The following TRPM2 variants were observed in gnomAD, a reference collection of about 807,000 sequenced individuals.
TRPM2 encodes transient receptor potential cation channel subfamily M member 2.
Under a neutral mutation model 174.0 loss-of-function variants are expected in TRPM2, and 161 were observed. The observed-to-expected ratio is 0.93, with a 90% confidence interval of 0.81 to 1.05. The LOEUF (loss-of-function observed/expected upper bound fraction) is 1.05. Among genes scored for constraint, TRPM2 ranks in the 50% least tolerant of loss-of-function variants. The pLI is 0.00. For missense variants in TRPM2, 2,057 were observed against 2,038.0 expected (o/e 1.01, Z -0.18); for synonymous variants, 954 against 861.3 (o/e 1.11, Z -1.88).
At chr21:44,364,425 A>T in intron 3 of TRPM2, 143 bp downstream of exon 3, 1 of 975,544 alleles carries the variant, frequency 1.0e-6, no homozygotes, top group Non-Finnish European at 1.5e-6. Flanking sequence ...CAGCAAGGGA[A>T]GCGGCGGGGA....
rs974860885 is a variant in TRPM2, at chr21:44,422,353, G to A, written c.3462-1292G>A. 64 of 1,536,142 alleles carry A rather than the reference G, an allele frequency of 4.2e-5. No homozygotes were observed. In the Middle Eastern group the frequency reaches 5.0e-4, roughly 12 times the overall value. ...CTGCATCTCACGGTGGTGGAATCAC[G>A]CGGGTCCGAGAAGGCTCCAGTAACC... On this transcript the variant is annotated intron_variant, in intron 22 of 31. Coordinates refer to ENST00000397928, the MANE Select transcript of TRPM2 (RefSeq NM_003307.4).
chr21:44,433,651 T>A (rs1176036695), intron 27 of TRPM2, among the ~76,000 whole-genome samples: 1 of 152,192 alleles, frequency 6.6e-6, no homozygotes, highest in African/African-American at 2.4e-5. Context: ...TTGCCAGCTC[T>A]GTAGCTGGGT....
chr21:44,437,069 C>A lies in TRPM2; in HGVS notation c.4069C>A (p.Arg1357=), dbSNP rs770604120. 1 of 1,550,356 alleles carries A rather than the reference C, an allele frequency of 6.5e-7. No homozygotes were observed. The change falls in exon 29 of 32, where the codon CGG becomes AGG. Residue 1357 remains arginine (R), a synonymous_variant. Coordinates refer to ENST00000397928, the MANE Select transcript of TRPM2 (RefSeq NM_003307.4). ...TGGCCGCTCTCTCCGCAGGTGGAGGCGGAACGAGGATGGAGCCATCTGCAG... is the reference window on the plus strand; with the variant it reads ...TGGCCGCTCTCTCCGCAGGTGGAGGAGGAACGAGGATGGAGCCATCTGCAG... The part of the protein sequence containing the change: ...TLYPMVTRWR[R]NEDGAICRKS...
rs1341271724 is a variant in TRPM2, at chr21:44,440,510, G to C, written c.4270-279G>C. On this transcript the variant is annotated intron_variant, in intron 30 of 31. Transcript: ENST00000397928. ...TGTTATGAGTGGACTCCTACAACAG[G>C]TGGCCTTTGAAACTGTCTTCCTTCA... is the stretch of plus-strand genomic sequence containing the variant. Among the ~76,000 whole-genome samples the C allele has an allele frequency of 5.9e-5, 9 of 152,112 alleles. No individual in the cohort carries two copies. In the East Asian group the frequency reaches 1.7e-3, roughly 29 times the overall value.
At chr21:44,440,314 A>G (rs1569125799) in intron 30 of TRPM2, among the ~76,000 whole-genome samples, 7 of 4,260 alleles carry the variant, frequency 1.6e-3, no homozygotes, top group South Asian at 6.5e-3. Context: ...CAAAAAAAAA[A>G]AAAAAAAAAA....
chr21:44,423,865 C>A, intron 23 of TRPM2, 133 bp downstream of exon 23: 1 of 775,052 alleles, frequency 1.3e-6, no homozygotes, highest in Non-Finnish European at 2.1e-6. Flanking sequence ...GTTGGGGCAG[C>A]CATTCCCAGC....
chr21:44,413,913 C>T lies in TRPM2; in HGVS notation c.2985C>T (p.His995=). The change falls in exon 20 of 32, where the codon CAC becomes CAT. Residue 995 remains histidine (H), a synonymous_variant. Transcript: ENST00000397928. ...YIDGVNFNPE[H]CSPNGTDPYK... ...CAGGTGTGAACTTCAACCCGGAGCACTGCAGCCCCAATGGCACCGACCCCT... is the reference window on the plus strand; with the variant it reads ...CAGGTGTGAACTTCAACCCGGAGCATTGCAGCCCCAATGGCACCGACCCCT... 1 of 1,613,720 alleles carries T rather than the reference C, an allele frequency of 6.2e-7. No individual in the cohort carries two copies. Among genetic ancestry groups the T allele is most frequent in the Non-Finnish European group, 8.5e-7 (1 of 1,179,744 alleles).
chr21:44,419,281 G>A (rs985451327), intron 22 of TRPM2, among the ~76,000 whole-genome samples: 1 of 152,158 alleles, frequency 6.6e-6, no homozygotes, highest in African/African-American at 2.4e-5. Context: ...GCTGGCAAGG[G>A]ATGGCCAAGA....
At chr21:44,358,379 G>GC (rs139826939) in intron 2 of TRPM2, among the ~76,000 whole-genome samples, 38,506 of 151,984 alleles carry the variant, frequency 0.25, 5,422 homozygotes, top group African/African-American at 0.39. Flanking sequence ...GAGGCAGGGA[G>GC]CCCCCCTTGG....
chr21:44,421,241 C>T (rs1353768358), intron 22 of TRPM2, among the ~76,000 whole-genome samples: 1 of 152,054 alleles, frequency 6.6e-6, no homozygotes, highest in African/African-American at 2.4e-5. Context: ...TCGCTTGAAC[C>T]CAGGAGGCGG....
rs754559472 is a variant in TRPM2, at chr21:44,399,330, GA to G, written c.2098del (p.Arg700GlufsTer28). On this transcript the variant is annotated frameshift_variant, in exon 14 of 32. Transcript: ENST00000397928. LOFTEE classifies it high-confidence loss of function. This position sits in a 1 kb window ranked among gnomAD's most constrained non-coding sequence, Gnocchi z 4.6. ...FTECYRKDEE[R>X]AQKLLTRVSE... ...CCGAGTGCTACCGGAAGGACGAAGA[GA>G]GAGCCCAGAAACTGCTCACCCGCGT... The G allele has an allele frequency of 6.2e-7, 1 of 1,612,812 alleles. No homozygotes were observed. The highest frequency in any genetic ancestry group is 8.5e-7 in the Non-Finnish European group (1 of 1,179,890).
At chr21:44,416,776 T>TCTG in intron 20 of TRPM2, 1 of 199,774 alleles carries the variant, frequency 5.0e-6, no homozygotes, top group African/African-American at 2.5e-5. Context: ...ATGGCTCTGC[T>TCTG]CTCTGTGGCA....
chr21:44,402,156 C>T (rs2049641827), intron 16 of TRPM2, among the ~76,000 whole-genome samples: 1 of 152,190 alleles, frequency 6.6e-6, no homozygotes, highest in Admixed American at 6.5e-5. Flanking sequence ...GGCTGATCAG[C>T]TCAAGGTGGA....
At chr21:44,374,575 G>T (rs552124271) in intron 5 of TRPM2, among the ~76,000 whole-genome samples, 54 of 152,292 alleles carry the variant, frequency 3.5e-4, no homozygotes, top group African/African-American at 1.3e-3. Context: ...TCATCTGGGG[G>T]TGATGGGGGA....
chr21:44,364,143 A>G lies in TRPM2; in HGVS notation c.284A>G (p.His95Arg), dbSNP rs2048291962. 4.3e-6 allele frequency: 7 copies of G among 1,614,128 alleles called. No homozygotes were observed. The South Asian group carries it at 5.5e-5, about 13-fold the overall frequency. Residue 95 changes from histidine (H) to arginine (R), a missense_variant, in exon 3 of 32, where the codon CAT becomes CGT. By Grantham distance (29) the His-to-Arg change is conservative. Transcript: ENST00000397928. ...GKVVCQCGYT[H>R]EQHLEEATKP... ...GTGGTGTGTCAGTGTGGCTACACGC[A>G]TGAGCAGCACTTGGAGGAGGCTACC...
intron 16 of TRPM2, among the ~76,000 whole-genome samples, 160 bp downstream of exon 16, chr21:44,402,057 C>T (rs1435010927): frequency 2.6e-5 from 4 of 152,240 alleles, no homozygotes; most frequent in South Asian, 2.1e-4. Context: ...GTGGCTGGGG[C>T]GCTGCCCTCC....
chr21:44,391,604 C>A lies in TRPM2; in HGVS notation c.1773C>A (p.Pro591=). ...ACGACCGGCTGCGGCTCCTGCTGCCCGTTCCCCACGTCAAGCTCAACGTGC... is the reference window on the plus strand; with the variant it reads ...ACGACCGGCTGCGGCTCCTGCTGCCAGTTCCCCACGTCAAGCTCAACGTGC... ...RHNDRLRLLL[P]VPHVKLNVQG... Residue 591 remains proline (P), a synonymous_variant, in exon 11 of 32, where the codon CCC becomes CCA. Transcript: ENST00000397928. This position sits in a 1 kb window ranked among gnomAD's most constrained non-coding sequence, Gnocchi z 5.0. 1.3e-6 allele frequency: 2 copies of A among 1,580,296 alleles called. No individual in the cohort carries two copies. Among genetic ancestry groups the A allele is most frequent in the Non-Finnish European group, 1.7e-6 (2 of 1,169,862 alleles).
rs747955952 is a variant in TRPM2, at chr21:44,401,805, G to A, written c.2446G>A (p.Val816Met). 23 of 1,613,860 alleles carry A rather than the reference G, an allele frequency of 1.4e-5. No individual in the cohort carries two copies. The Admixed American group carries it at 1.8e-4, about 13-fold the overall frequency. ...CGCCTTCCTCTGCCTGTTCGCCTAC[G>A]TGCTCATGGTGGACTTCCAGCCTGT... ...YFAFLCLFAY[V>M]LMVDFQPVPS... The change falls in exon 16 of 32, where the codon GTG becomes ATG. Residue 816 changes from valine (V) to methionine (M), a missense_variant. Transcript: ENST00000397928.
chr21:44,391,410 G>T lies in TRPM2; in HGVS notation c.1579G>T (p.Asp527Tyr), dbSNP rs772002038. The T allele has an allele frequency of 6.2e-7, 1 of 1,614,096 alleles. No homozygotes were observed. The highest frequency in any genetic ancestry group is 1.1e-5 in the South Asian group (1 of 91,088). The change falls in exon 11 of 32, where the codon GAC (aspartate) becomes TAC (tyrosine). Residue 527 changes from aspartate to tyrosine, a missense_variant. Asp to Tyr is a radical substitution (Grantham distance 160). Coordinates refer to ENST00000397928, the MANE Select transcript of TRPM2 (RefSeq NM_003307.4). This position sits in a 1 kb window ranked among gnomAD's most constrained non-coding sequence, Gnocchi z 5.0. Reference protein sequence around the residue: ...DTLLYLYENLDPSCLFHSKLQ... With the variant: ...DTLLYLYENLYPSCLFHSKLQ... ...CTTGCTCTACCTGTACGAGAACCTG[G>T]ACCCCTCCTGCCTGTTCCACAGCAA...
Sources: allele counts gnomAD v4.1 joint callset (sites outside exome capture counted in the v4.1 genomes callset), GRCh38; gene constraint gnomAD v4.1.1; non-coding constraint Gnocchi (gnomAD v3.1); transcripts MANE v1.5; gene names NCBI Gene and HGNC (gene_info 2026-07-23, HGNC 2026-07-21).